TNKS: variants seen among roughly 807,000 people sequenced by gnomAD.
TNKS encodes the protein poly [ADP-ribose] polymerase tankyrase-1.
In TNKS, 72 loss-of-function variants were observed where a neutral mutation model predicts 135.8. The ratio of observed to expected loss-of-function variants is 0.53; its 90% CI spans 0.44 to 0.64. The LOEUF (loss-of-function observed/expected upper bound fraction) is 0.64. TNKS is among the 30% of genes least tolerant of loss of function. TNKS has a pLI of 0.00. For missense variants in TNKS, 1,769 were observed against 1,674.0 expected (o/e 1.06, Z -0.99); for synonymous variants, 849 against 649.3 (o/e 1.31, Z -4.68).
rs181338856 is a variant in TNKS, at chr8:9,761,012, C to T, written c.3154-504C>T. ...CACTGCTTTTTAAGGAAGCCTGTCC[C>T]GGGCTTGAGTATTTCTTAGCACTGA... On this transcript the variant is annotated intron_variant, in intron 20 of 26. Transcript: ENST00000310430. Among the ~76,000 whole-genome samples, 22 of 152,246 alleles carry T rather than the reference C, an allele frequency of 1.4e-4. No homozygotes were observed. The East Asian group carries it at 2.1e-3, about 15-fold the overall frequency.
intron 2 of TNKS, among the ~76,000 whole-genome samples, chr8:9,593,082 G>A (rs1173140695): frequency 2.0e-5 from 3 of 152,190 alleles, no homozygotes; most frequent in African/African-American, 7.2e-5. Context: ...TTAAACCCAT[G>A]AATTGCCCCT....
chr8:9,690,349 C>T (rs1803207212), intron 5 of TNKS, among the ~76,000 whole-genome samples: 1 of 152,196 alleles, frequency 6.6e-6, no homozygotes, highest in Admixed American at 6.5e-5. Flanking sequence ...TTTATTCTCA[C>T]AGAGATTACC....
intron 3 of TNKS, among the ~76,000 whole-genome samples, chr8:9,616,051 A>G (rs1487504951): frequency 6.6e-6 from 1 of 152,170 alleles, no homozygotes; most frequent in African/African-American, 2.4e-5. Context: ...TGGAAAGACA[A>G]CCTGCTGCCT....
intron 2 of TNKS, among the ~76,000 whole-genome samples, chr8:9,594,996 T>C (rs1798721625): frequency 6.6e-6 from 1 of 152,228 alleles, no homozygotes; most frequent in Non-Finnish European, 1.5e-5. Flanking sequence ...CAAAAATTAG[T>C]TGAAAATTCA....
intron 11 of TNKS, among the ~76,000 whole-genome samples, chr8:9,718,947 G>C (rs552861256): frequency 6.6e-6 from 1 of 152,304 alleles, no homozygotes; most frequent in South Asian, 2.1e-4. Context: ...GAATAAGTTA[G>C]TATGTTTCTT....
At chr8:9,609,889 G>T (rs946598344) in intron 2 of TNKS, among the ~76,000 whole-genome samples, 1 of 151,818 alleles carries the variant, frequency 6.6e-6, no homozygotes, top group Non-Finnish European at 1.5e-5. Flanking sequence ...GTGGAGTCTC[G>T]CTCTGTCGGC....
chr8:9,703,962 A>T (rs530398095), intron 5 of TNKS, among the ~76,000 whole-genome samples: 3 of 152,184 alleles, frequency 2.0e-5, no homozygotes, highest in Non-Finnish European at 4.4e-5. Flanking sequence ...TAATAACTTG[A>T]CTCAAATTAC....
intron 19 of TNKS, 89 bp downstream of exon 19, chr8:9,751,935 C>A (rs1054808051): frequency 8.9e-7 from 1 of 1,129,708 alleles, no homozygotes; most frequent in Non-Finnish European, 1.3e-6. Context: ...TTGAATGCCT[C>A]AATTAGAGAC....
At chr8:9,620,281 A>T (rs184731781) in intron 3 of TNKS, among the ~76,000 whole-genome samples, 9 of 152,146 alleles carry the variant, frequency 5.9e-5, no homozygotes, top group South Asian at 4.2e-4. Flanking sequence ...TTTGTATCCA[A>T]CCTATCAGTA....
At chr8:9,764,591 C>G in intron 22 of TNKS, 125 bp from the exon 23 acceptor site, 1 of 543,380 alleles carries the variant, frequency 1.8e-6, no homozygotes, top group Non-Finnish European at 3.1e-6. Context: ...AATACTTATC[C>G]ACTAAACTTG....
chr8:9,607,751 A>G (rs1347915311), intron 2 of TNKS, among the ~76,000 whole-genome samples: 1 of 152,186 alleles, frequency 6.6e-6, no homozygotes, highest in South Asian at 2.1e-4. Context: ...AGCCCTTTAT[A>G]AGTACTTTCT....
chr8:9,602,721 C>T (rs770956990), intron 2 of TNKS, among the ~76,000 whole-genome samples: 3 of 152,178 alleles, frequency 2.0e-5, no homozygotes, highest in Non-Finnish European at 4.4e-5. Context: ...TGTAATTTAA[C>T]ATTTTCTATT....
chr8:9,735,014 G>T lies in TNKS; in HGVS notation c.2463G>T (p.Lys821Asn). ...AGGGCTGCCTGGCAAGAGTGCAGAA[G>T]CTCTGTACCCCAGAGAATATCAACT... ...AKKGCLARVQ[K>N]LCTPENINCR... The change falls in exon 16 of 27, where the codon AAG becomes AAT. Residue 821 changes from lysine (K) to asparagine (N), a missense_variant. Coordinates refer to ENST00000310430, the MANE Select transcript of TNKS (RefSeq NM_003747.3). The T allele has an allele frequency of 6.2e-7, 1 of 1,614,184 alleles. No individual in the cohort carries two copies. The highest frequency in any genetic ancestry group is 8.5e-7 in the Non-Finnish European group (1 of 1,180,024).
chr8:9,622,744 T>A (rs1799912169), intron 3 of TNKS, among the ~76,000 whole-genome samples: 1 of 152,228 alleles, frequency 6.6e-6, no homozygotes, highest in South Asian at 2.1e-4. Context: ...AAAGACAAGT[T>A]ACCTAATATT....
chr8:9,645,995 C>T (rs931179072), intron 3 of TNKS, among the ~76,000 whole-genome samples: 1 of 152,200 alleles, frequency 6.6e-6, no homozygotes, highest in East Asian at 1.9e-4. Flanking sequence ...CAACCCTTCT[C>T]AGTTCTTCAA....
chr8:9,727,230 G>A (rs185550533), intron 13 of TNKS, among the ~76,000 whole-genome samples: 117 of 152,254 alleles, frequency 7.7e-4, no homozygotes, highest in Non-Finnish European at 1.6e-3. Context: ...TTTTTTCCCT[G>A]TGTAGCTCTA....
At chr8:9,716,602 C>G (rs2128811141) in intron 11 of TNKS, among the ~76,000 whole-genome samples, 1 of 152,128 alleles carries the variant, frequency 6.6e-6, no homozygotes, top group Non-Finnish European at 1.5e-5. Context: ...CACAAAAGAC[C>G]AGAACAAGGA....
At position 9,735,378 on chromosome 8, in the gene TNKS, A is replaced by G. The variant is rs781257594; in HGVS notation, c.2535A>G (p.Ala845=). 1.9e-6 allele frequency: 3 copies of G among 1,613,202 alleles called. No individual in the cohort carries two copies. In the South Asian group the frequency reaches 3.3e-5, roughly 18 times the overall value. The change falls in exon 17 of 27, where the codon GCA becomes GCG. Residue 845 remains alanine, a splice_region_variant and synonymous_variant. Transcript: ENST00000310430. ...GRNSTPLHLA[A]GYNNLEVAEY... ...CTGTATTTTTTTTACTCTAAATAGC[A>G]GGCTATAATAACCTGGAAGTAGCTG...
chr8:9,632,678 C>T (rs1049552600), intron 3 of TNKS, among the ~76,000 whole-genome samples: 2 of 152,118 alleles, frequency 1.3e-5, no homozygotes, highest in Non-Finnish European at 2.9e-5. Flanking sequence ...GAAACATTTG[C>T]TTGTTTTCTT....
Sources: gnomAD v4.1 joint callset for allele counts (sites outside exome capture counted in the v4.1 genomes callset) on GRCh38, gnomAD v4.1.1 for gene constraint, MANE v1.5 for transcripts, NCBI Gene and HGNC (gene_info 2026-07-23, HGNC 2026-07-21) for gene names.